The following KIF24 variants were observed in gnomAD, a reference collection of about 807,000 sequenced individuals.
The protein encoded by KIF24 is kinesin-like protein KIF24.
KIF24 carries 81 observed loss-of-function variants against 118.9 expected under a neutral mutation model. That is an observed-to-expected ratio of 0.68 (90% CI 0.57 to 0.82). The LOEUF is 0.82. KIF24 is among the 40% of genes least tolerant of loss of function. The probability of loss-of-function intolerance (pLI) is 0.00; values close to 1 mark genes in which losing one functional copy is unlikely to be tolerated. For synonymous variants in KIF24, 599 were observed against 610.0 expected, an observed-to-expected ratio of 0.98 and a Z score of 0.27; for missense variants, 1,560 against 1,661.6, an observed-to-expected ratio of 0.94 and a Z score of 1.06.
intron 6 of KIF24, among the ~76,000 whole-genome samples, chr9:34,285,588 C>A (rs11790980): frequency 0.14 from 21,231 of 151,892 alleles, 1,899 homozygotes; most frequent in South Asian, 0.3. Flanking sequence ...TTCTGGCAAA[C>A]ACGGTGAAAC....
At chr9:34,315,217 T>C (rs1428924508) in intron 1 of KIF24, among the ~76,000 whole-genome samples, 1 of 152,040 alleles carries the variant, frequency 6.6e-6, no homozygotes, top group Non-Finnish European at 1.5e-5. Context: ...TAAACATATA[T>C]TTCTAAATAA....
chr9:34,313,064 T>C (rs772220292), intron 1 of KIF24, among the ~76,000 whole-genome samples: 26 of 152,246 alleles, frequency 1.7e-4, no homozygotes, highest in Non-Finnish European at 3.4e-4. Flanking sequence ...GGTCCTTCCA[T>C]GAAGAAGTGA....
At position 34,257,495 on chromosome 9, in the gene KIF24, C is replaced by T. The variant is rs1834898403; in HGVS notation, c.2112G>A (p.Lys704=). ...GTACTGGCTGCACTGTCTGCACTTT[C>T]TTGCACTTGGTGGACAGCTTACCAC... The part of the protein sequence containing the change: ...LVRGKLSTKC[K]KVQTVQPVQK... The change falls in exon 11 of 13, where the codon AAG becomes AAA. Residue 704 remains lysine (K), a synonymous_variant. Transcript: ENST00000402558. 1.2e-6 allele frequency: 2 copies of T among 1,613,946 alleles called. No individual in the cohort carries two copies. The highest frequency in any genetic ancestry group is 1.7e-6 in the Non-Finnish European group (2 of 1,179,904).
rs1834910245 is a variant in KIF24 at position 34,257,727 on chromosome 9, G to A, written c.1880C>T (p.Ser627Phe). 6 of 1,613,894 alleles carry A rather than the reference G, an allele frequency of 3.7e-6. No individual in the cohort carries two copies. The Admixed American group carries it at 1.0e-4, about 27-fold the overall frequency. The change falls in exon 11 of 13, where the codon TCT becomes TTT. Residue 627 changes from serine to phenylalanine, a missense_variant. Ser to Phe is a radical substitution (Grantham distance 155, BLOSUM62 -2). Coordinates refer to ENST00000402558, the MANE Select transcript of KIF24 (RefSeq NM_194313.4). The part of the protein sequence containing the change: ...NIPFTSAPKV[S>F]GKRGGSRGSP... ...CCCTCTGGAGCCACCCCTTTTACCA[G>A]AGACCTTAGGTGCAGAAGTAAAAGG...
chr9:34,326,873 G>A (rs1172975192), intron 1 of KIF24, among the ~76,000 whole-genome samples: 3 of 152,046 alleles, frequency 2.0e-5, no homozygotes, highest in African/African-American at 7.2e-5. Flanking sequence ...CCAGTTCTGT[G>A]AGGAAATGGA....
intron 1 of KIF24, among the ~76,000 whole-genome samples, chr9:34,315,283 T>C (rs1219605318): frequency 6.6e-6 from 1 of 152,138 alleles, no homozygotes; most frequent in Non-Finnish European, 1.5e-5. Flanking sequence ...CCTCCCCAAA[T>C]TGACCTGATA....
rs1404415163 is a variant in KIF24, at chr9:34,257,575, T to G, written c.2032A>C (p.Lys678Gln). ...LCSEKNRMGN[K>Q]TVLGWESRAS... is the part of the protein sequence containing the mutation. ...CTGCTTTCCCACCCAAGGACAGTTTTGTTGCCCATTCGATTTTTCTCAGAG... is the reference window on the plus strand; with the variant it reads ...CTGCTTTCCCACCCAAGGACAGTTTGGTTGCCCATTCGATTTTTCTCAGAG... Residue 678 changes from lysine (K) to glutamine (Q), a missense_variant, in exon 11 of 13, where the codon AAA becomes CAA. Physicochemically the swap from Lys to Gln is moderately conservative, Grantham distance 53. Around this residue, in one of 3 missense-constraint regions of KIF24, gnomAD observed 964 missense variants for 988.0 expected, o/e 0.98. Coordinates refer to ENST00000402558, the MANE Select transcript of KIF24 (RefSeq NM_194313.4). 3.1e-6 allele frequency: 5 copies of G among 1,613,984 alleles called. No individual in the cohort carries two copies. In the African/African-American group the frequency reaches 5.3e-5, roughly 17 times the overall value.
chr9:34,273,058 TG>T (rs1227808654), intron 6 of KIF24, among the ~76,000 whole-genome samples: 2 of 151,966 alleles, frequency 1.3e-5, no homozygotes, highest in African/African-American at 4.8e-5. Context: ...CAGTGAGCTG[TG>T]ATTACAGAGC....
At chr9:34,270,520 A>C (rs1835464815) in intron 7 of KIF24, among the ~76,000 whole-genome samples, 1 of 151,118 alleles carries the variant, frequency 6.6e-6, no homozygotes, top group Non-Finnish European at 1.5e-5. Context: ...CGTCTCAAAA[A>C]AAAAAAAAAA....
At position 34,254,452 on chromosome 9, in the gene KIF24, C is replaced by CA; in HGVS notation, c.4034dup (p.Arg1346GlufsTer18). On this transcript the variant is annotated frameshift_variant, in exon 13 of 13. Transcript: ENST00000402558. LOFTEE classifies it high-confidence loss of function. The stretch of plus-strand genomic sequence containing the variant: ...TGAGATAGAGCTGCAGCTGGCTCCT[C>CA]AGACTCTGGATACACTTGGATTTCA... 1.2e-6 allele frequency: 2 copies of CA among 1,613,948 alleles called. No individual in the cohort carries two copies. Among genetic ancestry groups the CA allele is most frequent in the Non-Finnish European group, 1.7e-6 (2 of 1,179,876 alleles).
At chr9:34,326,158 A>C (rs1837665710) in intron 1 of KIF24, among the ~76,000 whole-genome samples, 1 of 152,160 alleles carries the variant, frequency 6.6e-6, no homozygotes, top group African/African-American at 2.4e-5. Context: ...GTTTGAGATG[A>C]GCCTGGACAA....
rs200204592 is a variant in KIF24, at chr9:34,254,427, T to A, written c.4060A>T (p.Thr1354Ser). 5.0e-6 allele frequency: 8 copies of A among 1,612,464 alleles called. No individual in the cohort carries two copies. The Admixed American group carries it at 1.2e-4, about 24-fold the overall frequency. ...SLRSQLQLYL[T>S]CHGPTAAPEG... The stretch of plus-strand genomic sequence containing the variant: ...GGGGCTGCGGTGGGCCCGTGGCAGG[T>A]GAGATAGAGCTGCAGCTGGCTCCTC... Residue 1354 changes from threonine to serine, a missense_variant, in exon 13 of 13, where the codon ACC becomes TCC. Transcript: ENST00000402558.
intron 1 of KIF24, 110 bp from the exon 2 acceptor site, chr9:34,311,481 TTTATC>T: frequency 1.9e-6 from 1 of 517,962 alleles, no homozygotes; most frequent in South Asian, 4.6e-5. Context: ...CAAAAAATGT[TTTATC>T]TGTCAAGTTC....
At chr9:34,255,199 T>G in intron 11 of KIF24, 34 bp from the exon 12 acceptor site, 1 of 1,324,986 alleles carries the variant, frequency 7.5e-7, no homozygotes, top group Non-Finnish European at 1.1e-6. Flanking sequence ...GTGATCTTCC[T>G]GGCCTCCCAG....
chr9:34,329,038 G>C (rs1837783198), intron 1 of KIF24, among the ~76,000 whole-genome samples, 68 bp downstream of exon 1: 1 of 152,230 alleles, frequency 6.6e-6, no homozygotes, highest in Non-Finnish European at 1.5e-5. Context: ...GCGCACCCGT[G>C]TCCGCGGGCA....
chr9:34,308,431 C>T (rs1837014799), intron 2 of KIF24, among the ~76,000 whole-genome samples: 2 of 152,024 alleles, frequency 1.3e-5, no homozygotes, highest in African/African-American at 4.8e-5. Context: ...CTGCAGGCAC[C>T]TGCCATGACG....
Position 34,257,970 on chromosome 9 carries a change from A to AAT in KIF24, c.1636_1637insAT (p.Leu546HisfsTer2). ...AGTGCAACACTTAATGCCTTTCTTTAGTTCTTTGACCCTGTAAATAATCAT... is the reference window on the plus strand; with the variant it reads ...AGTGCAACACTTAATGCCTTTCTTTAATGTTCTTTGACCCTGTAAATAATCAT... On this transcript the variant is annotated frameshift_variant, in exon 11 of 13. Coordinates refer to ENST00000402558, the MANE Select transcript of KIF24 (RefSeq NM_194313.4). LOFTEE classifies it high-confidence loss of function. 1 of 1,602,512 alleles carries AAT rather than the reference A, an allele frequency of 6.2e-7. No individual in the cohort carries two copies. Among genetic ancestry groups the AAT allele is most frequent in the Non-Finnish European group, 8.5e-7 (1 of 1,174,188 alleles).
At chr9:34,329,443 C>G (rs1328229635), upstream of KIF24, 2 of 152,282 alleles carry the variant, frequency 1.3e-5, no homozygotes, top group African/African-American at 4.8e-5. Context: ...GAGGGAAGAT[C>G]TCGCGACGTT....
At chr9:34,325,580 G>A (rs1479213914) in intron 1 of KIF24, among the ~76,000 whole-genome samples, 2 of 150,692 alleles carry the variant, frequency 1.3e-5, no homozygotes, top group African/African-American at 4.9e-5. Flanking sequence ...TGTAATCCCA[G>A]CTACTCAGGA....
Sources: allele counts gnomAD v4.1 joint callset (sites outside exome capture counted in the v4.1 genomes callset), GRCh38; gene constraint gnomAD v4.1.1; regional missense constraint gnomAD v4.1.1; transcripts MANE v1.5; gene names NCBI Gene and HGNC (gene_info 2026-07-23, HGNC 2026-07-21).